ZFP64: variants seen among roughly 807,000 people sequenced by gnomAD.
ZFP64 encodes zinc finger protein 64.
ZFP64 carries 14 observed loss-of-function variants against 51.6 expected under a neutral mutation model. That is an observed-to-expected ratio of 0.27 (90% CI 0.18 to 0.42). The LOEUF is 0.42. Among genes scored for constraint, ZFP64 ranks in the 10% least tolerant of loss-of-function variants. The pLI, the probability that ZFP64 is intolerant of heterozygous loss-of-function variation, is 1.00. For synonymous variants in ZFP64, 375 were observed against 361.4 expected, an observed-to-expected ratio of 1.04 and a Z score of -0.43; for missense variants, 754 against 906.8, an observed-to-expected ratio of 0.83 and a Z score of 2.16.
At chr20:52,159,572 C>G (rs1981602107) in intron 5 of ZFP64, among the ~76,000 whole-genome samples, 1 of 152,162 alleles carries the variant, frequency 6.6e-6, no homozygotes, top group African/African-American at 2.4e-5. Context: ...GCAAATGGGC[C>G]AGGCACGGTG....
At chr20:52,084,709 T>G (rs939013265) in exon 9 of ZFP64, 10 of 1,614,104 alleles carry the variant, frequency 6.2e-6, no homozygotes, top group Non-Finnish European at 8.5e-6. Flanking sequence ...TTGTGGCATC[T>G]CAGAGAGTCA....
Position 52,133,078 on chromosome 20 carries a change from C to G in ZFP64, c.763+27045G>C, listed in dbSNP as rs538873440. Reference sequence around the variant, plus strand: ...ATACAAATCACTCAATGTAATACATCATATAAACAGAATGAAGGATAAAAA... The same window carrying G: ...ATACAAATCACTCAATGTAATACATGATATAAACAGAATGAAGGATAAAAA... On this transcript the variant is annotated intron_variant, in intron 5 of 8. Coordinates refer to the ZFP64 transcript ENST00000361387. Among the ~76,000 whole-genome samples, 106 of 152,200 alleles carry G rather than the reference C, an allele frequency of 7.0e-4. 2 individuals are homozygous for G. The South Asian group carries it at 0.022, about 31-fold the overall frequency.
chr20:52,096,647 AG>A (rs1053335690), intron 7 of ZFP64, among the ~76,000 whole-genome samples: 8 of 152,282 alleles, frequency 5.3e-5, no homozygotes, highest in Admixed American at 2.0e-4. Context: ...CCAGCACTTT[AG>A]GGGGCCAAGG....
At chr20:52,177,365 C>T (rs1983304714) in intron 2 of ZFP64, among the ~76,000 whole-genome samples, 1 of 152,086 alleles carries the variant, frequency 6.6e-6, no homozygotes, top group Non-Finnish European at 1.5e-5. Context: ...ACTGGTAGGC[C>T]CCTTCTCCTT....
chr20:52,116,356 G>A lies in ZFP64; in HGVS notation c.764-17769C>T, dbSNP rs551410042. Reference sequence around the variant, plus strand: ...TCCCCATGTTGGCCAGGCTGGTCTCGAACTCCTGACCTCAGGTGATCCGCT... The same window carrying A: ...TCCCCATGTTGGCCAGGCTGGTCTCAAACTCCTGACCTCAGGTGATCCGCT... On this transcript the variant is annotated intron_variant, in intron 5 of 8. Transcript: ENST00000361387. 6.6e-5 allele frequency among the ~76,000 whole-genome samples: 10 copies of A among 151,704 alleles called. No individual in the cohort carries two copies. The South Asian group carries it at 1.7e-3, about 25-fold the overall frequency.
chr20:52,134,211 A>G (rs1979863313), intron 5 of ZFP64, among the ~76,000 whole-genome samples: 1 of 151,938 alleles, frequency 6.6e-6, no homozygotes, highest in Admixed American at 6.6e-5. Flanking sequence ...TTTAAAAAAA[A>G]TACACTTCAG....
chr20:52,090,747 C>T (rs540494358), intron 7 of ZFP64, among the ~76,000 whole-genome samples: 31 of 149,886 alleles, frequency 2.1e-4, no homozygotes, highest in African/African-American at 5.6e-4. Context: ...TGCAGTGAGC[C>T]GAGATCGTGC....
intron 5 of ZFP64, among the ~76,000 whole-genome samples, chr20:52,107,582 C>G (rs1251655232): frequency 6.6e-6 from 1 of 151,892 alleles, no homozygotes; most frequent in Non-Finnish European, 1.5e-5. Flanking sequence ...ACATGTATTC[C>G]TTAAAAAAAC....
At chr20:52,148,060 A>C (rs773439774), downstream of ZFP64, among the ~76,000 whole-genome samples, 1 of 152,184 alleles carries the variant, frequency 6.6e-6, no homozygotes, top group Non-Finnish European at 1.5e-5. Context: ...AATCTCCAAA[A>C]GGTTTTCTTT....
chr20:52,094,649 T>C lies in ZFP64; in HGVS notation c.976+2724A>G, dbSNP rs558011049. Among the ~76,000 whole-genome samples, 4 of 152,188 alleles carry C rather than the reference T, an allele frequency of 2.6e-5. No individual in the cohort carries two copies. The East Asian group carries it at 7.7e-4, about 29-fold the overall frequency. The stretch of plus-strand genomic sequence containing the variant: ...TGGGGCATGCCTGCAGCCCCAGCTA[T>C]TCAAGAAGCAGAGGCATGAGGATCA... On this transcript the variant is annotated intron_variant, in intron 7 of 8. Coordinates refer to the ZFP64 transcript ENST00000361387.
At chr20:52,168,544 C>A (rs1267742311) in intron 2 of ZFP64, among the ~76,000 whole-genome samples, 1 of 152,156 alleles carries the variant, frequency 6.6e-6, no homozygotes, top group Non-Finnish European at 1.5e-5. Flanking sequence ...CTCTAACAAG[C>A]CCTCCAGGTG....
chr20:52,090,570 G>A (rs1057291725), intron 7 of ZFP64, among the ~76,000 whole-genome samples: 11 of 152,064 alleles, frequency 7.2e-5, no homozygotes. Context: ...GGGGGCCAAG[G>A]TGGGCAGATC....
At chr20:52,110,399 C>T (rs529087175) in intron 5 of ZFP64, 3 of 564,370 alleles carry the variant, frequency 5.3e-6, no homozygotes, top group African/African-American at 3.8e-5. Context: ...GATGTTTAAG[C>T]TCTTCTGGAG....
intron 3 of ZFP64, chr20:52,165,096 A>C (rs1484096738): frequency 2.1e-6 from 1 of 480,658 alleles, no homozygotes; most frequent in Admixed American, 2.3e-5. Flanking sequence ...AATGAAAGAC[A>C]TAAAATCTAA....
chr20:52,104,180 CAA>C (rs2079084316), intron 5 of ZFP64, among the ~76,000 whole-genome samples: 1 of 152,144 alleles, frequency 6.6e-6, no homozygotes, highest in Admixed American at 6.5e-5. Flanking sequence ...ACAAGATAAG[CAA>C]AAAGGGAAGC....
intron 5 of ZFP64, among the ~76,000 whole-genome samples, chr20:52,102,503 C>T (rs1271618046): frequency 4.6e-5 from 7 of 152,150 alleles, no homozygotes. Flanking sequence ...CCACACTTGC[C>T]AGATCTGCAA....
At chr20:52,109,966 C>T (rs1405037688) in intron 5 of ZFP64, among the ~76,000 whole-genome samples, 1 of 151,944 alleles carries the variant, frequency 6.6e-6, no homozygotes, top group Non-Finnish European at 1.5e-5. Context: ...CTAGTTACTT[C>T]TTCATTCTTC....
At chr20:52,100,047 G>A (rs1322275193) in intron 5 of ZFP64, among the ~76,000 whole-genome samples, 5 of 152,228 alleles carry the variant, frequency 3.3e-5, no homozygotes, top group Non-Finnish European at 7.3e-5. Flanking sequence ...AGGCTGGATT[G>A]CAGTGGTGTG....
At chr20:52,090,054 A>G (rs771451681) in intron 7 of ZFP64, among the ~76,000 whole-genome samples, 2 of 152,206 alleles carry the variant, frequency 1.3e-5, no homozygotes, top group African/African-American at 2.4e-5. Flanking sequence ...GGGGGAAAAG[A>G]CGCCAAAAGG....
Sources: allele counts gnomAD v4.1 joint callset (sites outside exome capture counted in the v4.1 genomes callset), GRCh38; gene constraint gnomAD v4.1.1; transcripts MANE v1.5; gene names NCBI Gene and HGNC (gene_info 2026-07-23, HGNC 2026-07-21).